Variants in ANGPT1 observed in about 807,000 individuals in gnomAD.
The protein encoded by ANGPT1 is angiopoietin 1.
In ANGPT1, 17 loss-of-function variants were observed where a neutral mutation model predicts 62.2. That is an observed-to-expected ratio of 0.27 (90% CI 0.19 to 0.41). The LOEUF (loss-of-function observed/expected upper bound fraction) is 0.41, where lower values mean the gene tolerates loss of function less well. Among genes scored for constraint, ANGPT1 ranks in the 10% least tolerant of loss-of-function variants. The probability of loss-of-function intolerance (pLI) is 1.00; values close to 1 mark genes in which losing one functional copy is unlikely to be tolerated. For missense variants in ANGPT1, 478 were observed against 594.9 expected, an observed-to-expected ratio of 0.80 and a Z score of 2.04; for synonymous variants, 199 against 198.9, an observed-to-expected ratio of 1.00 and a Z score of 0.00.
chr8:107,313,215 T>C (rs1300855401), intron 4 of ANGPT1, among the ~76,000 whole-genome samples: 1 of 152,108 alleles, frequency 6.6e-6, no homozygotes, highest in African/African-American at 2.4e-5. Flanking sequence ...TTTGATAATC[T>C]GACTTATTCA....
chr8:107,470,345 A>C (rs193189446), intron 1 of ANGPT1, among the ~76,000 whole-genome samples: 2 of 152,192 alleles, frequency 1.3e-5, no homozygotes, highest in Admixed American at 1.3e-4. Flanking sequence ...AGAGGTTGTA[A>C]TTATTATGTT....
rs1358237266 is a variant in ANGPT1, at chr8:107,257,898, TG to T, written c.1337-5884del. 9.9e-4 allele frequency among the ~76,000 whole-genome samples: 101 copies of T among 101,858 alleles called. 4 individuals carry two copies. The highest frequency in any genetic ancestry group is 2.3e-3 in the African/African-American group (68 of 29,854). 66.8% of individuals were successfully genotyped at this position (101,858 alleles called of 152,430 possible). Reference sequence around the variant, plus strand: ...TTTGTTTCTTTTTTGTTTGTTTGTTTGTTTGTTTGTTTTTGACTGTTCTTTC... The same window carrying T: ...TTTGTTTCTTTTTTGTTTGTTTGTTTTTTGTTTGTTTTTGACTGTTCTTTC... On this transcript the variant is annotated intron_variant, in intron 8 of 8. Transcript: ENST00000517746.
intron 4 of ANGPT1, among the ~76,000 whole-genome samples, chr8:107,306,523 CT>C (rs1002308193): frequency 6.6e-6 from 1 of 151,970 alleles, no homozygotes; most frequent in African/African-American, 2.4e-5. Flanking sequence ...TGACTCGTTT[CT>C]TTGTTAAGTA....
At chr8:107,340,448 A>G (rs1815670398) in intron 2 of ANGPT1, among the ~76,000 whole-genome samples, 1 of 152,182 alleles carries the variant, frequency 6.6e-6, no homozygotes, top group Admixed American at 6.5e-5. Context: ...AGTGAGCTGG[A>G]AAATTTCACC....
intron 1 of ANGPT1, among the ~76,000 whole-genome samples, chr8:107,390,818 C>T (rs1816820032): frequency 6.6e-6 from 1 of 152,116 alleles, no homozygotes; most frequent in Non-Finnish European, 1.5e-5. Flanking sequence ...GATTCAGTGA[C>T]TTGCTCAAGA....
intron 1 of ANGPT1, among the ~76,000 whole-genome samples, chr8:107,373,301 T>C (rs1816454992): frequency 6.6e-6 from 1 of 152,080 alleles, no homozygotes; most frequent in South Asian, 2.1e-4. Context: ...GAGAGTGTAT[T>C]TGGAGGAGAT....
chr8:107,260,243 G>A (rs898816505), intron 8 of ANGPT1, among the ~76,000 whole-genome samples: 2 of 152,220 alleles, frequency 1.3e-5, no homozygotes, highest in South Asian at 4.1e-4. Context: ...TCTCCAGCTA[G>A]AATTCCTCTA....
At chr8:107,470,234 G>T (rs1031723129) in intron 1 of ANGPT1, among the ~76,000 whole-genome samples, 2 of 151,906 alleles carry the variant, frequency 1.3e-5, no homozygotes, top group Non-Finnish European at 2.9e-5. Context: ...GATTGACAAA[G>T]GAAATTAATA....
chr8:107,325,183 C>G (rs1815258081), intron 3 of ANGPT1, among the ~76,000 whole-genome samples: 1 of 152,160 alleles, frequency 6.6e-6, no homozygotes, highest in Non-Finnish European at 1.5e-5. Context: ...TTAAAAGTTT[C>G]ATCCCACCTA....
Position 107,250,527 on chromosome 8 carries a change from G to A in ANGPT1, c.*1328C>T, listed in dbSNP as rs1467334037. ...AAATTGCCTAAGGGAATGGACTGAA[G>A]GAGAAATATATGAAGAATGATGTAT... On this transcript the variant is annotated 3_prime_UTR_variant, in exon 9 of 9. Coordinates refer to ENST00000517746, the MANE Select transcript of ANGPT1 (RefSeq NM_001146.5). The A allele has an allele frequency of 1.3e-5, 2 of 152,034 alleles. No homozygotes were observed. The highest frequency in any genetic ancestry group is 4.8e-5 in the African/African-American group (2 of 41,402). 9.4% of individuals were successfully genotyped at this position (152,034 alleles called of 1,614,324 possible).
chr8:107,293,564 A>T (rs1286535369), intron 6 of ANGPT1, among the ~76,000 whole-genome samples: 1 of 152,122 alleles, frequency 6.6e-6, no homozygotes, highest in East Asian at 1.9e-4. Context: ...TATGTGGGTG[A>T]GGCCATTGCT....
intron 1 of ANGPT1, among the ~76,000 whole-genome samples, chr8:107,433,516 A>G (rs1371274973): frequency 1.3e-5 from 2 of 152,214 alleles, no homozygotes; most frequent in African/African-American, 4.8e-5. Flanking sequence ...GACATGAAAG[A>G]TGGACAAGCA....
intron 7 of ANGPT1, among the ~76,000 whole-genome samples, chr8:107,267,848 C>A (rs900359327): frequency 6.6e-6 from 1 of 151,934 alleles, no homozygotes; most frequent in Non-Finnish European, 1.5e-5. Flanking sequence ...CCAGCCTTAC[C>A]CACTCACTTA....
At chr8:107,376,178 G>C (rs1174445923) in intron 1 of ANGPT1, among the ~76,000 whole-genome samples, 4 of 152,108 alleles carry the variant, frequency 2.6e-5, no homozygotes, top group Non-Finnish European at 5.9e-5. Flanking sequence ...CTTGTTCCAT[G>C]CCTAACATTC....
At chr8:107,353,688 C>A (rs1279766475) in intron 1 of ANGPT1, among the ~76,000 whole-genome samples, 1 of 152,102 alleles carries the variant, frequency 6.6e-6, no homozygotes, top group African/African-American at 2.4e-5. Flanking sequence ...GGCTTATCAC[C>A]CCCTGTGTCA....
chr8:107,312,314 G>C (rs1032464046), intron 4 of ANGPT1, among the ~76,000 whole-genome samples: 1 of 151,856 alleles, frequency 6.6e-6, no homozygotes, highest in Non-Finnish European at 1.5e-5. Flanking sequence ...CTTTTTTTCA[G>C]CCTGGCTAAA....
chr8:107,480,512 G>A (rs535653604), intron 1 of ANGPT1, among the ~76,000 whole-genome samples: 4 of 152,216 alleles, frequency 2.6e-5, no homozygotes, highest in African/African-American at 4.8e-5. Flanking sequence ...CATTTTAAGG[G>A]ACAAGAAAAT....
rs1437594195 is a variant in ANGPT1 at position 107,250,366 on chromosome 8, T to C, written c.*1489A>G. ...ACATTATCCCATAGGAATATTTCCATTGAGTTATTTATGGCAACTAGCAGT... is the reference window on the plus strand; with the variant it reads ...ACATTATCCCATAGGAATATTTCCACTGAGTTATTTATGGCAACTAGCAGT... On this transcript the variant is annotated 3_prime_UTR_variant, in exon 9 of 9. Coordinates refer to ENST00000517746, the MANE Select transcript of ANGPT1 (RefSeq NM_001146.5). The C allele has an allele frequency of 6.6e-6, 1 of 152,136 alleles. No homozygotes were observed. The highest frequency in any genetic ancestry group is 2.4e-5 in the African/African-American group (1 of 41,454). The allele number at this position is 152,136 out of a possible 1,614,324, so 9.4% of individuals were successfully genotyped here.
At chr8:107,312,063 CAAAAAAAAAA>C (rs927603600) in intron 4 of ANGPT1, among the ~76,000 whole-genome samples, 4 of 71,062 alleles carry the variant, frequency 5.6e-5, no homozygotes, top group African/African-American at 1.0e-4. Context: ...GACTCCGTTT[CAAAAAAAAAA>C]AAAAAAAAAG....
Sources: allele counts gnomAD v4.1 joint callset (sites outside exome capture counted in the v4.1 genomes callset), GRCh38; gene constraint gnomAD v4.1.1; transcripts MANE v1.5; gene names NCBI Gene and HGNC (gene_info 2026-07-23, HGNC 2026-07-21).